The following ATXN7L1 variants were observed in gnomAD, a reference collection of about 807,000 sequenced individuals.
ATXN7L1 encodes ataxin 7 like 1.
In ATXN7L1, 15 loss-of-function variants were observed where a neutral mutation model predicts 70.8. That is an observed-to-expected ratio of 0.21 (90% CI 0.14 to 0.33). ATXN7L1 has a LOEUF of 0.33. ATXN7L1 is among the 10% of genes least tolerant of loss of function. The pLI is 1.00. For missense variants in ATXN7L1, 975 were observed against 1,097.1 expected (o/e 0.89, Z 1.57); for synonymous variants, 440 against 445.1 (o/e 0.99, Z 0.14).
chr7:105,718,994 G>A (rs995271011), intron 3 of ATXN7L1, among the ~76,000 whole-genome samples: 3 of 152,166 alleles, frequency 2.0e-5, no homozygotes, highest in Non-Finnish European at 4.4e-5. Flanking sequence ...GGGGCCTGTT[G>A]TGTTTCCATG....
intron 3 of ATXN7L1, among the ~76,000 whole-genome samples, chr7:105,780,162 T>C (rs1396114074): frequency 6.6e-6 from 1 of 152,146 alleles, no homozygotes; most frequent in Non-Finnish European, 1.5e-5. Context: ...CACCTGGAGA[T>C]AGACAAAATA....
intron 2 of ATXN7L1, among the ~76,000 whole-genome samples, chr7:105,814,266 A>T (rs902541192): frequency 6.6e-6 from 1 of 152,190 alleles, no homozygotes; most frequent in Non-Finnish European, 1.5e-5. Flanking sequence ...TTGGCAATTC[A>T]CTATCCTCAC....
At chr7:105,650,636 T>C (rs921930578) in intron 4 of ATXN7L1, among the ~76,000 whole-genome samples, 4 of 152,212 alleles carry the variant, frequency 2.6e-5, no homozygotes, top group African/African-American at 7.2e-5. Flanking sequence ...AGTGATACCA[T>C]GCAGAGCTCG....
At position 105,819,818 on chromosome 7, in the gene ATXN7L1, C is replaced by A. The variant is rs191337161; in HGVS notation, c.251-31110G>T. On this transcript the variant is annotated intron_variant, in intron 2 of 11. Transcript: ENST00000419735. ...CTCAAGGTGTTTGACGGCATCCCAC[C>A]GCCCTATGACATGAAAAAGCGGATG... The A allele has an allele frequency of 3.2e-5, 20 of 634,446 alleles. No homozygotes were observed. The Admixed American group carries it at 3.4e-4, about 11-fold the overall frequency. 39.3% of individuals were successfully genotyped at this position (634,446 alleles called of 1,614,324 possible). A position where few individuals can be genotyped will look rare whatever the true frequency, so the allele number is the denominator to read the frequency against.
chr7:105,738,360 G>A lies in ATXN7L1; in HGVS notation c.355+50244C>T, dbSNP rs546398816. 2.0e-5 allele frequency among the ~76,000 whole-genome samples: 3 copies of A among 152,294 alleles called. No individual in the cohort carries two copies. In the South Asian group the frequency reaches 6.2e-4, roughly 32 times the overall value. On this transcript the variant is annotated intron_variant, in intron 3 of 11. Coordinates refer to ENST00000419735, the MANE Select transcript of ATXN7L1 (RefSeq NM_020725.2). ...GCCCATGTTGCTCCCACCACCAGGA[G>A]TGCCCTTTCTCCACTTCTGAATATC...
intron 3 of ATXN7L1, among the ~76,000 whole-genome samples, chr7:105,739,804 T>C (rs1003360251): frequency 1.3e-5 from 2 of 152,218 alleles, no homozygotes; most frequent in African/African-American, 4.8e-5. Context: ...GGCCCTGGTA[T>C]TGGGGATCAG....
rs567680018 is a variant in ATXN7L1, at chr7:105,723,739, C to T, written c.356-58451G>A. On this transcript the variant is annotated intron_variant, in intron 3 of 11. Coordinates refer to ENST00000419735, the MANE Select transcript of ATXN7L1 (RefSeq NM_020725.2). The stretch of plus-strand genomic sequence containing the variant: ...GAAGGCAGCGGAGCGAGGTCAAAAC[C>T]CTTTTTGTTTTGCCTGTTTGTGGAT... Among the ~76,000 whole-genome samples, 7 of 152,236 alleles carry T rather than the reference C, an allele frequency of 4.6e-5. No homozygotes were observed. The South Asian group carries it at 1.5e-3, about 32-fold the overall frequency.
chr7:105,862,252 T>C (rs1377644335), intron 2 of ATXN7L1, among the ~76,000 whole-genome samples: 2 of 151,898 alleles, frequency 1.3e-5, no homozygotes, highest in African/African-American at 4.8e-5. Context: ...CTAGGCAACA[T>C]AGGGAGACCC....
At chr7:105,783,187 C>T (rs1223494897) in intron 3 of ATXN7L1, among the ~76,000 whole-genome samples, 1 of 152,196 alleles carries the variant, frequency 6.6e-6, no homozygotes, top group Non-Finnish European at 1.5e-5. Context: ...CTCTGTTTGA[C>T]TCCAAAATTC....
In ATXN7L1 at chr7:105,724,443, G is replaced by A. The variant is rs538984968; in HGVS notation, c.356-59155C>T. On this transcript the variant is annotated intron_variant, in intron 3 of 11. Transcript: ENST00000419735. Reference sequence around the variant, plus strand: ...ACAAAAATTAGCTGGGTGTGGTGGTGCATGCCTGTAATCCCAGCTACTCAG... The same window carrying A: ...ACAAAAATTAGCTGGGTGTGGTGGTACATGCCTGTAATCCCAGCTACTCAG... 2.6e-5 allele frequency among the ~76,000 whole-genome samples: 4 copies of A among 151,790 alleles called. No individual in the cohort carries two copies. The East Asian group carries it at 5.8e-4, about 22-fold the overall frequency.
chr7:105,647,912 A>G (rs1263190073), intron 4 of ATXN7L1, among the ~76,000 whole-genome samples: 2 of 152,238 alleles, frequency 1.3e-5, no homozygotes, highest in East Asian at 1.9e-4. Flanking sequence ...TTTCTGCTTT[A>G]TAATGAGTGT....
intron 4 of ATXN7L1, chr7:105,649,569 G>A: frequency 5.1e-6 from 5 of 987,840 alleles, no homozygotes; most frequent in Non-Finnish European, 6.0e-6. Flanking sequence ...GTCTGCAAAA[G>A]AACAGAGGTG....
chr7:105,760,119 G>A, intron 3 of ATXN7L1: 7 of 882,402 alleles, frequency 7.9e-6, no homozygotes, highest in Non-Finnish European at 9.5e-6. Flanking sequence ...CTTTCCATAT[G>A]CCAAGTTCTC....
intron 3 of ATXN7L1, among the ~76,000 whole-genome samples, chr7:105,781,484 A>G (rs2116464284): frequency 6.6e-6 from 1 of 152,346 alleles, no homozygotes; most frequent in African/African-American, 2.4e-5. Context: ...CACACAGAGC[A>G]TCATCCTCTG....
chr7:105,865,342 C>CA (rs1264287478), intron 2 of ATXN7L1, among the ~76,000 whole-genome samples: 1 of 151,988 alleles, frequency 6.6e-6, no homozygotes, highest in Non-Finnish European at 1.5e-5. Flanking sequence ...CCCAAGCCTG[C>CA]AATGCCAATG....
At chr7:105,776,854 C>G (rs1802810080) in intron 3 of ATXN7L1, among the ~76,000 whole-genome samples, 1 of 152,156 alleles carries the variant, frequency 6.6e-6, no homozygotes, top group Admixed American at 6.5e-5. Context: ...ACTGTAATCT[C>G]TGCCTGCCAG....
chr7:105,783,535 AT>A, intron 3 of ATXN7L1, among the ~76,000 whole-genome samples: 1 of 152,136 alleles, frequency 6.6e-6, no homozygotes. Flanking sequence ...ATGGCCAATG[AT>A]TTAACCAATC....
chr7:105,857,187 T>G (rs1337161146), intron 2 of ATXN7L1, among the ~76,000 whole-genome samples: 1 of 152,314 alleles, frequency 6.6e-6, no homozygotes, highest in East Asian at 1.9e-4. Context: ...CTTTCATTCA[T>G]TTTTCAAACA....
At chr7:105,695,553 A>C (rs1026130638) in intron 3 of ATXN7L1, among the ~76,000 whole-genome samples, 1 of 152,188 alleles carries the variant, frequency 6.6e-6, no homozygotes, top group African/African-American at 2.4e-5. Context: ...ACCAAATACT[A>C]GTCTAAGTTG....
Sources: gnomAD v4.1 joint callset for allele counts (sites outside exome capture counted in the v4.1 genomes callset) on GRCh38, gnomAD v4.1.1 for gene constraint, MANE v1.5 for transcripts, NCBI Gene and HGNC (gene_info 2026-07-23, HGNC 2026-07-21) for gene names.